The following GTF2IRD1 variants were observed in gnomAD, a reference collection of about 807,000 sequenced individuals.
GTF2IRD1 encodes GTF2I repeat domain containing 1.
A neutral mutation model predicts 113.2 loss-of-function variants in GTF2IRD1; 26 were observed. That is an observed-to-expected ratio of 0.23 (90% CI 0.17 to 0.32). The LOEUF (loss-of-function observed/expected upper bound fraction) is 0.32. Among genes scored for constraint, GTF2IRD1 ranks in the 10% least tolerant of loss-of-function variants. The pLI is 1.00. For synonymous variants in GTF2IRD1, 484 were observed against 529.1 expected, an observed-to-expected ratio of 0.91 and a Z score of 1.17; for missense variants, 864 against 1,280.8, an observed-to-expected ratio of 0.67 and a Z score of 4.97.
chr7:74,537,160 A>G (rs1798346309), intron 11 of GTF2IRD1, among the ~76,000 whole-genome samples: 1 of 152,112 alleles, frequency 6.6e-6, no homozygotes, highest in Non-Finnish European at 1.5e-5. Flanking sequence ...CTGTAATCCC[A>G]GCACTTTGCG....
At chr7:74,545,656 C>A in intron 15 of GTF2IRD1, 88 bp from the exon 16 acceptor site, 3 of 976,300 alleles carry the variant, frequency 3.1e-6, no homozygotes, top group Admixed American at 1.7e-5. Context: ...GATCCCACCA[C>A]AGGGCCAATG....
intron 1 of GTF2IRD1, among the ~76,000 whole-genome samples, chr7:74,470,638 C>G (rs937110087): frequency 6.6e-6 from 1 of 152,178 alleles, no homozygotes; most frequent in African/African-American, 2.4e-5. Flanking sequence ...AGATGTCAGA[C>G]TGCCCAGTGA....
chr7:74,462,209 TAAAAAA>T (rs200330620), intron 1 of GTF2IRD1, among the ~76,000 whole-genome samples: 1 of 149,428 alleles, frequency 6.7e-6, no homozygotes, highest in Non-Finnish European at 1.5e-5. Context: ...CCCCGTCTCT[TAAAAAA>T]AAAATTAGCC....
chr7:74,546,798 G>A (rs1378631028), intron 16 of GTF2IRD1, among the ~76,000 whole-genome samples: 1 of 152,216 alleles, frequency 6.6e-6, no homozygotes, highest in Non-Finnish European at 1.5e-5. Context: ...ATTAGTGGTG[G>A]CTTCTGTACT....
intron 1 of GTF2IRD1, among the ~76,000 whole-genome samples, chr7:74,462,345 C>T (rs1793427253): frequency 6.6e-6 from 1 of 152,188 alleles, no homozygotes; most frequent in African/African-American, 2.4e-5. Flanking sequence ...CCCGTTTGTT[C>T]ATCCTTGTCT....
At chr7:74,588,250 G>A (rs782129538) in intron 22 of GTF2IRD1, among the ~76,000 whole-genome samples, 1 of 151,794 alleles carries the variant, frequency 6.6e-6, no homozygotes, top group Non-Finnish European at 1.5e-5. Context: ...TGGGATTACA[G>A]GTGCCCGCCA....
chr7:74,508,685 C>A (rs112128001), intron 2 of GTF2IRD1, among the ~76,000 whole-genome samples: 56 of 136,368 alleles, frequency 4.1e-4, no homozygotes, highest in Non-Finnish European at 7.4e-4. Context: ...GGCAAGACTC[C>A]GTCTTAAAAA....
At chr7:74,460,813 C>T (rs1360088822) in intron 1 of GTF2IRD1, among the ~76,000 whole-genome samples, 1 of 152,180 alleles carries the variant, frequency 6.6e-6, no homozygotes, top group African/African-American at 2.4e-5. Flanking sequence ...AAAGTGTCTG[C>T]AATGGCTACC....
At position 74,555,233 on chromosome 7, in the gene GTF2IRD1, G is replaced by A. The variant is rs149061117; in HGVS notation, c.1966+10G>A. 2,438 of 1,612,636 alleles carry A rather than the reference G, an allele frequency of 1.5e-3. 21 individuals carry two copies. The African/African-American group carries it at 0.028, about 19-fold the overall frequency. Reference sequence around the variant, plus strand: ...ATCATGGATAGTCAAGGTACCCAGCGCGGGGTCGGGAGCCATGGTGTGGGC... The same window carrying A: ...ATCATGGATAGTCAAGGTACCCAGCACGGGGTCGGGAGCCATGGTGTGGGC... On this transcript the variant is annotated intron_variant, in intron 18 of 26. Coordinates refer to ENST00000424337, the MANE Select transcript of GTF2IRD1 (RefSeq NM_005685.4). This position sits in a 1 kb window ranked among gnomAD's most constrained non-coding sequence, Gnocchi z 5.3.
intron 1 of GTF2IRD1, chr7:74,506,788 A>G (rs3801468): frequency 0.1 from 15,763 of 152,130 alleles, 2,013 homozygotes; most frequent in East Asian, 0.39. Flanking sequence ...GCCCAGCTGG[A>G]CACTGTCATA....
chr7:74,507,777 G>A (rs1482667105), intron 1 of GTF2IRD1: 6 of 320,348 alleles, frequency 1.9e-5, no homozygotes, highest in South Asian at 8.3e-5. Flanking sequence ...AATTGCACAC[G>A]CCGGGAGAGG....
chr7:74,489,045 G>A (rs1795178285), intron 1 of GTF2IRD1, among the ~76,000 whole-genome samples: 1 of 151,784 alleles, frequency 6.6e-6, no homozygotes, highest in African/African-American at 2.4e-5. Context: ...AGGAGGCTGA[G>A]GCAGGAGAAT....
intron 1 of GTF2IRD1, among the ~76,000 whole-genome samples, chr7:74,505,420 G>T (rs1796249407): frequency 6.6e-6 from 1 of 152,172 alleles, no homozygotes; most frequent in Non-Finnish European, 1.5e-5. Flanking sequence ...CTGGGCTGTG[G>T]CTCGGGACAG....
At position 74,515,501 on chromosome 7, in the gene GTF2IRD1, G is replaced by A; in HGVS notation, c.326G>A (p.Gly109Asp). ...EHPKKVQRGE[G>D]GGRSLPRSSL... is the part of the protein sequence containing the mutation. ...CCCAAGAAGGTGCAGCGGGGCGAGG[G>A]TGGAGGCCGTAGCCTCCCTCGGTCC... The change falls in exon 4 of 27, where the codon GGT (glycine) becomes GAT (aspartate). Residue 109 changes from glycine to aspartate, a missense_variant. By Grantham distance (94) the Gly-to-Asp change is moderately conservative. Transcript: ENST00000424337. 1 of 1,613,182 alleles carries A rather than the reference G, an allele frequency of 6.2e-7. No homozygotes were observed. The highest frequency in any genetic ancestry group is 8.5e-7 in the Non-Finnish European group (1 of 1,179,566).
At chr7:74,562,785 C>G (rs1583895597) in intron 22 of GTF2IRD1, among the ~76,000 whole-genome samples, 2 of 151,974 alleles carry the variant, frequency 1.3e-5, no homozygotes, top group East Asian at 3.9e-4. Context: ...GGCTGGTTGA[C>G]CAGGCTGGTC....
chr7:74,503,546 C>T (rs1458342465), intron 1 of GTF2IRD1, among the ~76,000 whole-genome samples: 5 of 152,128 alleles, frequency 3.3e-5, no homozygotes, highest in African/African-American at 4.8e-5. Context: ...GTCAGGAGTT[C>T]GAGACCAGTC....
At chr7:74,503,431 G>T (rs1405554320) in intron 1 of GTF2IRD1, among the ~76,000 whole-genome samples, 2 of 152,096 alleles carry the variant, frequency 1.3e-5, no homozygotes, top group Non-Finnish European at 2.9e-5. Context: ...TGCCTTTTGG[G>T]GGCTTCATGT....
chr7:74,530,493 ATTTTTTTTTTTT>A (rs57782999), intron 9 of GTF2IRD1, among the ~76,000 whole-genome samples: 1 of 102,236 alleles, frequency 9.8e-6, no homozygotes, highest in Non-Finnish European at 1.9e-5. Flanking sequence ...GCACTTTGTA[ATTTTTTTTTTTT>A]TTTTTTTTTG....
chr7:74,478,293 C>T (rs1449521144), intron 1 of GTF2IRD1, among the ~76,000 whole-genome samples: 2 of 152,212 alleles, frequency 1.3e-5, no homozygotes, highest in Non-Finnish European at 2.9e-5. Context: ...CTTGAGCAAT[C>T]GTCCCCGTCA....
Sources: allele counts gnomAD v4.1 joint callset (sites outside exome capture counted in the v4.1 genomes callset), GRCh38; gene constraint gnomAD v4.1.1; non-coding constraint Gnocchi (gnomAD v3.1); transcripts MANE v1.5; gene names NCBI Gene and HGNC (gene_info 2026-07-23, HGNC 2026-07-21).